The following IGSF11 variants were observed in gnomAD, a reference collection of about 807,000 sequenced individuals.
The protein encoded by IGSF11 is immunoglobulin superfamily member 11, also known as CXADR like 1.
IGSF11 carries 22 observed loss-of-function variants against 41.0 expected under a neutral mutation model. The observed-to-expected ratio is 0.54, with a 90% CI of 0.38 to 0.77. The LOEUF (loss-of-function observed/expected upper bound fraction) is 0.77, where lower values mean the gene tolerates loss of function less well. IGSF11 is among the 30% of genes least tolerant of loss of function. The pLI is 0.00. For synonymous variants in IGSF11, 219 were observed against 201.3 expected (o/e 1.09, Z -0.74); for missense variants, 444 against 530.8 (o/e 0.84, Z 1.61).
At chr3:118,904,819 A>G (rs777735137) in intron 5 of IGSF11, 21 bp from the exon 6 acceptor site, 1 of 1,569,840 alleles carries the variant, frequency 6.4e-7, no homozygotes, top group East Asian at 2.3e-5. Context: ...TATTTAAGAT[A>G]TATTTAAAGA....
chr3:118,935,904 ATC>A (rs765499655), intron 1 of IGSF11, among the ~76,000 whole-genome samples: 6 of 152,178 alleles, frequency 3.9e-5, no homozygotes, highest in Non-Finnish European at 8.8e-5. Flanking sequence ...TTTAGTTCTC[ATC>A]TAGGGAAAGA....
chr3:118,973,868 G>A (rs772223054), intron 1 of IGSF11, among the ~76,000 whole-genome samples: 4 of 152,018 alleles, frequency 2.6e-5, no homozygotes, highest in Non-Finnish European at 5.9e-5. Flanking sequence ...ACCAAACACC[G>A]CGTGTTCTCA....
At chr3:119,055,650 T>C (rs147450313) in intron 1 of IGSF11, among the ~76,000 whole-genome samples, 74 of 152,278 alleles carry the variant, frequency 4.9e-4, no homozygotes, top group East Asian at 3.7e-3. Context: ...CTCTCCACCC[T>C]AAATCAACAG....
intron 1 of IGSF11, among the ~76,000 whole-genome samples, chr3:119,140,619 C>CA (rs202101038): frequency 0.2 from 30,293 of 152,072 alleles, 3,288 homozygotes; most frequent in South Asian, 0.29. Context: ...ATCAACTAGA[C>CA]CTAACAGACT....
At chr3:119,034,457 T>C (rs2107740491) in intron 1 of IGSF11, 74 bp downstream of exon 1, 1 of 1,356,378 alleles carries the variant, frequency 7.4e-7, no homozygotes, top group South Asian at 1.6e-5. Flanking sequence ...CTCTTTGCCG[T>C]CCCCAAACAG....
chr3:119,095,678 G>A (rs1479687246), intron 1 of IGSF11, among the ~76,000 whole-genome samples: 1 of 152,098 alleles, frequency 6.6e-6, no homozygotes, highest in Non-Finnish European at 1.5e-5. Flanking sequence ...AAGTCTCACA[G>A]AAAAAAACAA....
At chr3:118,998,555 T>C (rs1329878625) in intron 1 of IGSF11, among the ~76,000 whole-genome samples, 1 of 151,866 alleles carries the variant, frequency 6.6e-6, no homozygotes, top group East Asian at 1.9e-4. Flanking sequence ...ATAAGTATTA[T>C]CTGCACCCAC....
intron 4 of IGSF11, among the ~76,000 whole-genome samples, chr3:118,907,484 T>C (rs1007237772): frequency 3.3e-5 from 5 of 152,056 alleles, no homozygotes; most frequent in African/African-American, 1.2e-4. Context: ...AGGAGGGACA[T>C]CTAATGAGGG....
chr3:118,923,055 G>T lies in IGSF11; in HGVS notation c.580+3046C>A, dbSNP rs146643177. Among the ~76,000 whole-genome samples the T allele has an allele frequency of 4.9e-3, 752 of 152,220 alleles. 11 individuals carry two copies. The highest frequency in any genetic ancestry group is 0.017 in the African/African-American group (710 of 41,526). ...GATACTCAGGTATAAAACTCAGAGTGAGCTGCTTTCCGGGTTCTCTCAGCT... is the reference window on the plus strand; with the variant it reads ...GATACTCAGGTATAAAACTCAGAGTTAGCTGCTTTCCGGGTTCTCTCAGCT... On this transcript the variant is annotated intron_variant, in intron 4 of 6. Coordinates refer to ENST00000393775, the MANE Select transcript of IGSF11 (RefSeq NM_001015887.3).
intron 1 of IGSF11, among the ~76,000 whole-genome samples, chr3:119,104,195 T>C (rs940449387): frequency 1.3e-5 from 2 of 152,210 alleles, no homozygotes; most frequent in Non-Finnish European, 2.9e-5. Context: ...AAGTCTAATT[T>C]TGTCAATACC....
chr3:119,016,943 G>C (rs1938756712), intron 1 of IGSF11, among the ~76,000 whole-genome samples: 1 of 150,416 alleles, frequency 6.6e-6, no homozygotes, highest in African/African-American at 2.5e-5. Flanking sequence ...TTAAGCACTG[G>C]CTAAGAAAGG....
At chr3:119,125,639 T>C (rs2077394241) in intron 1 of IGSF11, among the ~76,000 whole-genome samples, 1 of 152,106 alleles carries the variant, frequency 6.6e-6, no homozygotes, top group African/African-American at 2.4e-5. Context: ...GGCCTGACCA[T>C]GGTGCGGCCA....
upstream of IGSF11, among the ~76,000 whole-genome samples, chr3:119,106,137 C>T (rs1192305134): frequency 1.1e-4 from 17 of 152,156 alleles, no homozygotes; most frequent in Non-Finnish European, 2.9e-5. Flanking sequence ...TACAGGCATA[C>T]AATGTACAAT....
intron 1 of IGSF11, among the ~76,000 whole-genome samples, chr3:119,089,061 C>T (rs926598616): frequency 6.6e-6 from 1 of 152,086 alleles, no homozygotes; most frequent in African/African-American, 2.4e-5. Flanking sequence ...GGAGTAGGAG[C>T]TCTCCTGACT....
chr3:118,957,444 C>G (rs1174115182), intron 1 of IGSF11, among the ~76,000 whole-genome samples: 1 of 152,232 alleles, frequency 6.6e-6, no homozygotes, highest in Middle Eastern at 3.4e-3. Flanking sequence ...AAATTATTTC[C>G]TCTCATGTGA....
intron 1 of IGSF11, among the ~76,000 whole-genome samples, chr3:119,027,594 ATGG>A (rs776757703): frequency 0.013 from 2,027 of 152,304 alleles, 29 homozygotes; most frequent in Non-Finnish European, 0.019. Context: ...TCAATGTGTA[ATGG>A]ATGCTTTGTT....
At chr3:118,943,111 G>A (rs573940304) in intron 1 of IGSF11, 9 of 152,402 alleles carry the variant, frequency 5.9e-5, no homozygotes, top group African/African-American at 1.4e-4. Context: ...GGATCCTGCG[G>A]GCTTGAACAA....
chr3:119,139,360 T>C (rs978931472), intron 1 of IGSF11, among the ~76,000 whole-genome samples: 1 of 152,204 alleles, frequency 6.6e-6, no homozygotes, highest in Non-Finnish European at 1.5e-5. Flanking sequence ...AGGTATTTGA[T>C]ATGGTTTGGT....
intron 1 of IGSF11, among the ~76,000 whole-genome samples, chr3:119,067,401 G>A (rs558914647): frequency 4.1e-4 from 63 of 152,180 alleles, no homozygotes; most frequent in Admixed American, 1.8e-3. Context: ...CCCTTCCAAG[G>A]TCCTCAGCCC....
Sources: allele counts gnomAD v4.1 joint callset (sites outside exome capture counted in the v4.1 genomes callset), GRCh38; gene constraint gnomAD v4.1.1; transcripts MANE v1.5; gene names NCBI Gene and HGNC (gene_info 2026-07-23, HGNC 2026-07-21).